Variants in KALRN observed in about 807,000 individuals in gnomAD.
The protein encoded by KALRN is kalirin.
A neutral mutation model predicts 353.7 loss-of-function variants in KALRN; 70 were observed. That is an observed-to-expected ratio of 0.20 (90% CI 0.16 to 0.24). KALRN has a LOEUF of 0.24. Among genes scored for constraint, KALRN ranks in the 10% least tolerant of loss-of-function variants. The probability of loss-of-function intolerance (pLI) is 1.00; values close to 1 mark genes in which losing one functional copy is unlikely to be tolerated. For missense variants in KALRN, 2,791 were observed against 3,756.7 expected (o/e 0.74, Z 6.72); for synonymous variants, 1,391 against 1,434.8 (o/e 0.97, Z 0.69).
At chr3:124,108,557 C>T (rs1015385342) in intron 1 of KALRN, among the ~76,000 whole-genome samples, 8 of 152,122 alleles carry the variant, frequency 5.3e-5, no homozygotes, top group African/African-American at 1.4e-4. Flanking sequence ...GCCAATGAAA[C>T]GTGAGCAGAA....
chr3:124,077,496 C>T (rs990891685), intron 1 of KALRN, among the ~76,000 whole-genome samples: 2 of 152,148 alleles, frequency 1.3e-5, no homozygotes, highest in Non-Finnish European at 2.9e-5. Flanking sequence ...CCATGGCATG[C>T]ACATATGCAG....
At chr3:124,608,527 G>A (rs551929686) in intron 34 of KALRN, among the ~76,000 whole-genome samples, 106 of 152,226 alleles carry the variant, frequency 7.0e-4, no homozygotes, top group African/African-American at 2.5e-3. Context: ...ACAGCATCCT[G>A]TCTCCCTTCT....
At chr3:124,171,704 A>G (rs1421955434) in intron 1 of KALRN, among the ~76,000 whole-genome samples, 2 of 152,184 alleles carry the variant, frequency 1.3e-5, no homozygotes, top group African/African-American at 4.8e-5. Context: ...ACAACCTACC[A>G]CAGAAGGACT....
chr3:124,235,268 G>A (rs1019070146), intron 3 of KALRN, among the ~76,000 whole-genome samples: 3 of 152,164 alleles, frequency 2.0e-5, no homozygotes, highest in Non-Finnish European at 4.4e-5. Context: ...GTGAAAATTG[G>A]TTCTTGGGGA....
At chr3:124,375,384 C>G (rs2086450889) in intron 10 of KALRN, among the ~76,000 whole-genome samples, 1 of 152,150 alleles carries the variant, frequency 6.6e-6, no homozygotes, top group Non-Finnish European at 1.5e-5. Flanking sequence ...GCCTCTAGTC[C>G]CCTTGCTCTC....
chr3:124,442,811 C>T (rs2093708525), intron 19 of KALRN, among the ~76,000 whole-genome samples: 1 of 151,658 alleles, frequency 6.6e-6, no homozygotes, highest in South Asian at 2.1e-4. Flanking sequence ...ATATTGAGAC[C>T]CCATCTCTAC....
chr3:124,456,528 C>T, intron 22 of KALRN, 82 bp from the exon 23 acceptor site: 1 of 898,710 alleles, frequency 1.1e-6, no homozygotes, highest in Non-Finnish European at 1.8e-6. Context: ...CTTTTTTTCC[C>T]CCTTTTACCA....
chr3:124,660,823 G>C, intron 43 of KALRN, 100 bp from the exon 44 acceptor site: 1 of 824,448 alleles, frequency 1.2e-6, no homozygotes, highest in East Asian at 2.4e-5. Context: ...GGGAAGGAAA[G>C]TCTCCAGGGT....
intron 13 of KALRN, among the ~76,000 whole-genome samples, chr3:124,404,656 C>CTT (rs34848980): frequency 2.1e-3 from 277 of 131,418 alleles, no homozygotes; most frequent in African/African-American, 4.9e-3. Context: ...TAGTCTTTTT[C>CTT]TTTTTTTTTT....
At chr3:124,685,522 G>A (rs1228079230) in intron 51 of KALRN, among the ~76,000 whole-genome samples, 1 of 152,214 alleles carries the variant, frequency 6.6e-6, no homozygotes, top group Non-Finnish European at 1.5e-5. Context: ...AGCATGTGCT[G>A]TAGAGGAAGT....
chr3:124,258,028 C>A (rs188916488), intron 3 of KALRN, among the ~76,000 whole-genome samples: 1 of 152,108 alleles, frequency 6.6e-6, no homozygotes, highest in East Asian at 1.9e-4. Flanking sequence ...CCACTGTAAA[C>A]GGGTCTGCTC....
chr3:124,621,013 G>A (rs1262169587), intron 34 of KALRN, among the ~76,000 whole-genome samples: 3 of 152,198 alleles, frequency 2.0e-5, no homozygotes, highest in Non-Finnish European at 4.4e-5. Context: ...CAAAATTTAG[G>A]AGACTTCTAA....
chr3:124,344,203 A>C (rs1173437079), intron 9 of KALRN, among the ~76,000 whole-genome samples: 1 of 152,248 alleles, frequency 6.6e-6, no homozygotes, highest in African/African-American at 2.4e-5. Flanking sequence ...CTAGAAAGTC[A>C]ATTTATTCTT....
At chr3:124,148,422 A>ATACAATATAAAGG (rs1176745902) in intron 1 of KALRN, among the ~76,000 whole-genome samples, 1 of 152,212 alleles carries the variant, frequency 6.6e-6, no homozygotes, top group Non-Finnish European at 1.5e-5. Flanking sequence ...TTGCTTTTTA[A>ATACAATATAAAGG]AAGGAAGATC....
At chr3:124,233,292 T>C (rs1477346055) in intron 2 of KALRN, among the ~76,000 whole-genome samples, 1 of 152,210 alleles carries the variant, frequency 6.6e-6, no homozygotes, top group Non-Finnish European at 1.5e-5. Context: ...TTGGAGGACC[T>C]CCCAGCTTTT....
rs60579271 is a variant in KALRN at position 124,181,076 on chromosome 3, CAA to C, written c.74-46890_74-46889del. On this transcript the variant is annotated intron_variant, in intron 1 of 59. Transcript: ENST00000682506. ...CAAAACCCCATCTCTACTAAAAATACAAAAAAAAAAAAAAAAAAAAAAAAATT... is the reference window on the plus strand; with the variant it reads ...CAAAACCCCATCTCTACTAAAAATACAAAAAAAAAAAAAAAAAAAAAAATT... Among the ~76,000 whole-genome samples, 425 of 55,268 alleles carry C rather than the reference CAA, an allele frequency of 7.7e-3. 3 individuals are homozygous for C. Among genetic ancestry groups the C allele is most frequent in the African/African-American group, 0.029 (395 of 13,392 alleles). The allele number at this position is 55,268 out of a possible 152,430, so 36.3% of individuals were successfully genotyped here.
chr3:124,602,333 T>C (rs548267045), intron 34 of KALRN, among the ~76,000 whole-genome samples: 195 of 152,284 alleles, frequency 1.3e-3, no homozygotes, highest in African/African-American at 4.6e-3. Flanking sequence ...AGTGAAATAT[T>C]TCTCTTATTG....
In KALRN at chr3:124,329,978, C is replaced by A; in HGVS notation, c.1402C>A (p.Gln468Lys). The change falls in exon 8 of 60, where the codon CAA becomes AAA. Residue 468 changes from glutamine to lysine, a missense_variant. Transcript: ENST00000682506. ...HHQTLYEQVT[Q>K]AYTEVSQDGK... is the part of the protein sequence containing the mutation. ...CCAGACCTTGTATGAGCAGGTGACC[C>A]AAGCCTACACAGAGGTGAGAATGGA... The A allele has an allele frequency of 6.2e-7, 1 of 1,613,562 alleles. No homozygotes were observed. The highest frequency in any genetic ancestry group is 8.5e-7 in the Non-Finnish European group (1 of 1,179,760).
chr3:124,387,805 AT>A (rs200397995), intron 11 of KALRN, among the ~76,000 whole-genome samples: 2 of 149,518 alleles, frequency 1.3e-5, no homozygotes, highest in African/African-American at 2.5e-5. Flanking sequence ...TACAGATTTT[AT>A]TTTTTTTTTC....
Sources: gnomAD v4.1 joint callset for allele counts (sites outside exome capture counted in the v4.1 genomes callset) on GRCh38, gnomAD v4.1.1 for gene constraint, MANE v1.5 for transcripts, NCBI Gene and HGNC (gene_info 2026-07-23, HGNC 2026-07-21) for gene names.